Variants in SMYD5 observed in about 807,000 individuals in gnomAD.
SMYD5 encodes the protein SMYD family member 5.
A neutral mutation model predicts 57.4 loss-of-function variants in SMYD5; 35 were observed. The observed-to-expected ratio is 0.61, with a 90% CI of 0.47 to 0.81. SMYD5 has a LOEUF of 0.81. SMYD5 is among the 30% of genes least tolerant of loss of function. The probability of loss-of-function intolerance (pLI) is 0.00; values close to 1 mark genes in which losing one functional copy is unlikely to be tolerated. For missense variants in SMYD5, 471 were observed against 527.9 expected (o/e 0.89, Z 1.06); for synonymous variants, 198 against 189.7 (o/e 1.04, Z -0.36).
intron 2 of SMYD5, among the ~76,000 whole-genome samples, chr2:73,219,563 G>A (rs529970379): frequency 6.6e-6 from 1 of 152,284 alleles, no homozygotes; most frequent in East Asian, 1.9e-4. Flanking sequence ...TGCATTTTTA[G>A]TAGAAACGGG....
chr2:73,220,526 C>A, intron 3 of SMYD5, 135 bp from the exon 4 acceptor site: 2 of 1,067,468 alleles, frequency 1.9e-6, no homozygotes, highest in Non-Finnish European at 2.7e-6. Flanking sequence ...TCACATATCC[C>A]CAGAGCACCC....
At position 73,223,930 on chromosome 2, in the gene SMYD5, GTAT is replaced by G. The variant is rs999224347; in HGVS notation, c.884-14_884-12del. The G allele has an allele frequency of 6.2e-7, 1 of 1,611,810 alleles. No homozygotes were observed. The highest frequency in any genetic ancestry group is 1.3e-5 in the African/African-American group (1 of 74,992). On this transcript the variant is annotated splice_polypyrimidine_tract_variant and intron_variant, in intron 9 of 12. Transcript: ENST00000389501. ...TAAAAATGGGTAGAATAATGTGTGT[GTAT>G]TACTGTCTTACAGCAACTGGAGAGT...
chr2:73,219,268 T>G (rs1686341447), intron 2 of SMYD5, among the ~76,000 whole-genome samples: 1 of 152,178 alleles, frequency 6.6e-6, no homozygotes, highest in Admixed American at 6.5e-5. Flanking sequence ...AGTGGAGTCC[T>G]CCACCAAGAG....
chr2:73,222,393 G>T (rs1419103927), intron 6 of SMYD5, among the ~76,000 whole-genome samples: 1 of 152,208 alleles, frequency 6.6e-6, no homozygotes, highest in Non-Finnish European at 1.5e-5. Context: ...TGCATCTGGG[G>T]TGGGCCCTCT....
At chr2:73,216,953 A>G (rs952774193) in intron 1 of SMYD5, among the ~76,000 whole-genome samples, 2 of 136,234 alleles carry the variant, frequency 1.5e-5, no homozygotes, top group African/African-American at 2.8e-5. Flanking sequence ...GTGCTCTCCA[A>G]CCTTCTTTTT....
intron 1 of SMYD5, among the ~76,000 whole-genome samples, chr2:73,215,940 A>G (rs899302914): frequency 1.8e-4 from 27 of 152,012 alleles, no homozygotes; most frequent in African/African-American, 6.5e-4. Context: ...TTTTTTGGTA[A>G]AACAGAAATG....
chr2:73,219,869 C>A (rs1686351893), intron 2 of SMYD5, 182 bp from the exon 3 acceptor site: 2 of 769,314 alleles, frequency 2.6e-6, no homozygotes, highest in East Asian at 2.6e-5. Flanking sequence ...CCTTGGGATG[C>A]ACATGAAATA....
intron 2 of SMYD5, 152 bp downstream of exon 2, chr2:73,219,121 C>T (rs1686339874): frequency 1.5e-6 from 1 of 648,470 alleles, no homozygotes. Context: ...AACCATGCCT[C>T]TGTCCAGTCT....
chr2:73,216,866 G>C (rs1348454869), intron 1 of SMYD5, among the ~76,000 whole-genome samples: 1 of 151,924 alleles, frequency 6.6e-6, no homozygotes, highest in Non-Finnish European at 1.5e-5. Context: ...ACCATACCCG[G>C]CCTGCACGAT....
intron 10 of SMYD5, among the ~76,000 whole-genome samples, chr2:73,224,306 T>G (rs1208948232): frequency 6.6e-6 from 1 of 152,212 alleles, no homozygotes; most frequent in Non-Finnish European, 1.5e-5. Flanking sequence ...TGCATGGGCT[T>G]TGCACCGTCA....
chr2:73,220,004 G>T, intron 2 of SMYD5, 47 bp from the exon 3 acceptor site: 3 of 1,613,364 alleles, frequency 1.9e-6, no homozygotes, highest in Non-Finnish European at 2.5e-6. Context: ...AGGGATAGAT[G>T]TGGCCTCTGC....
At chr2:73,223,613 G>C (rs545231646) in intron 9 of SMYD5, 81 bp downstream of exon 9, 2 of 1,010,222 alleles carry the variant, frequency 2.0e-6, no homozygotes, top group Admixed American at 1.8e-5. Flanking sequence ...TTTCCCCAGG[G>C]TGCTCTGAAT....
chr2:73,223,059 GTC>G lies in SMYD5; in HGVS notation c.735_736del (p.Phe246CysfsTer23). 1 of 1,614,148 alleles carries G rather than the reference GTC, an allele frequency of 6.2e-7. No individual in the cohort carries two copies. Among genetic ancestry groups the G allele is most frequent in the African/African-American group, 1.3e-5 (1 of 75,056 alleles). On this transcript the variant is annotated frameshift_variant, in exon 8 of 13. Coordinates refer to ENST00000389501, the MANE Select transcript of SMYD5 (RefSeq NM_006062.3). LOFTEE classifies it high-confidence loss of function. Reference protein sequence around the residue: ...SQWFTPDGFRSLFALVGTNGQ... With the variant: ...SQWFTPDGFRXLFALVGTNGQ... The stretch of plus-strand genomic sequence containing the variant: ...AGTGGTTCACTCCAGATGGATTCCG[GTC>G]TCTCTTTGCTCTTGTTGGGACCAAT...
intron 1 of SMYD5, among the ~76,000 whole-genome samples, chr2:73,215,355 C>T (rs201383669): frequency 1.3e-5 from 2 of 150,248 alleles, no homozygotes; most frequent in African/African-American, 5.0e-5. Context: ...ATGGTTGGTT[C>T]TTGCCCAAGA....
chr2:73,225,573 G>C (rs1686484197), intron 11 of SMYD5, 58 bp from the exon 12 acceptor site: 1 of 1,495,588 alleles, frequency 6.7e-7, no homozygotes, highest in Middle Eastern at 1.7e-4. Flanking sequence ...CTGTTGGGGA[G>C]GTCCTTATGC....
rs1238134438 is a variant in SMYD5 at position 73,214,260 on chromosome 2, G to C, written c.-7G>C. 7 of 1,613,390 alleles carry C rather than the reference G, an allele frequency of 4.3e-6. No individual in the cohort carries two copies. The East Asian group carries it at 1.6e-4, about 36-fold the overall frequency. On this transcript the variant is annotated 5_prime_UTR_variant, in exon 1 of 13. Transcript: ENST00000389501. ...GTTAAGGGTCATAAGGCGGAGGCGC[G>C]CCCAAGATGGCGGCCTCCATGTGCG... is the stretch of plus-strand genomic sequence containing the variant.
rs147223136 is a variant in SMYD5, at chr2:73,221,921, C to A, written c.633C>A (p.Asp211Glu). The A allele has an allele frequency of 1.2e-6, 2 of 1,601,014 alleles. No homozygotes were observed. The highest frequency in any genetic ancestry group is 1.7e-6 in the Non-Finnish European group (2 of 1,168,016). ...EEEIVHKLLG[D>E]KFKGQLELLR... Reference sequence around the variant, plus strand: ...AAATTGTCCATAAACTTCTGGGAGACAAATTCAAGGTTATTATTCTCCCGT... The same window carrying A: ...AAATTGTCCATAAACTTCTGGGAGAAAAATTCAAGGTTATTATTCTCCCGT... The change falls in exon 6 of 13, where the codon GAC becomes GAA. Residue 211 changes from aspartate (D) to glutamate (E), a missense_variant. Coordinates refer to ENST00000389501, the MANE Select transcript of SMYD5 (RefSeq NM_006062.3).
chr2:73,214,468 C>T, intron 1 of SMYD5, 106 bp downstream of exon 1: 1 of 1,562,820 alleles, frequency 6.4e-7, no homozygotes, highest in Non-Finnish European at 8.6e-7. Flanking sequence ...GCCGCTCGGA[C>T]GCTACGGCCC....
chr2:73,223,374 C>CTG, intron 8 of SMYD5, 52 bp from the exon 9 acceptor site: 1 of 1,272,232 alleles, frequency 7.9e-7, no homozygotes, highest in Non-Finnish European at 1.1e-6. Context: ...GTGGAGAGCC[C>CTG]TGTGACCTGG....
Sources: allele counts gnomAD v4.1 joint callset (sites outside exome capture counted in the v4.1 genomes callset), GRCh38; gene constraint gnomAD v4.1.1; transcripts MANE v1.5; gene names NCBI Gene and HGNC (gene_info 2026-07-23, HGNC 2026-07-21).